The following SLC39A3 variants were observed in gnomAD, a reference collection of about 807,000 sequenced individuals.
SLC39A3 encodes the protein solute carrier family 39 member 3, also known as zinc transporter ZIP3.
Under a neutral mutation model 5.1 loss-of-function variants are expected in SLC39A3, and 3 were observed. The ratio of observed to expected loss-of-function variants is 0.59; its 90% confidence interval spans 0.27 to 1.54. The LOEUF (loss-of-function observed/expected upper bound fraction) is 1.54, where lower values mean the gene tolerates loss of function less well. Ranked by LOEUF, SLC39A3 falls within the 40% of genes most tolerant of loss-of-function variation. The pLI is 0.12. For synonymous variants in SLC39A3, 250 were observed against 218.8 expected, an observed-to-expected ratio of 1.14 and a Z score of -1.26; for missense variants, 412 against 436.4, an observed-to-expected ratio of 0.94 and a Z score of 0.50.
Position 2,733,563 on chromosome 19 carries a change from C to T in SLC39A3, c.211-78G>A, listed in dbSNP as rs1394779791. 11 of 1,507,270 alleles carry T rather than the reference C, an allele frequency of 7.3e-6. No individual in the cohort carries two copies. The highest frequency in any genetic ancestry group is 2.3e-5 in the East Asian group (1 of 43,910). 93.4% of individuals were successfully genotyped at this position (1,507,270 alleles called of 1,614,324 possible). ...GGCGACAGGGCTGGCCAGATGTCAC[C>T]GTTCAAAGCAAAGTCCAGAAATCCC... On this transcript the variant is annotated intron_variant, in intron 2 of 2. Transcript: ENST00000269740. This position sits in a 1 kb window ranked among gnomAD's most constrained non-coding sequence, Gnocchi z 6.1.
chr19:2,734,833 C>T lies in SLC39A3; in HGVS notation c.211-1348G>A. ...CCACCGGCTGGAGGCCTCATGCATG[C>T]CTCGCTTGAGGACAAGCTCATGAGG... On this transcript the variant is annotated intron_variant, in intron 2 of 2. Transcript: ENST00000269740. This position sits in a 1 kb window ranked among gnomAD's most constrained non-coding sequence, Gnocchi z 4.6. 1.0e-6 allele frequency: 1 copy of T among 985,502 alleles called. No homozygotes were observed. Among genetic ancestry groups the T allele is most frequent in the Non-Finnish European group, 1.2e-6 (1 of 829,966 alleles). The allele number at this position is 985,502 out of a possible 1,614,324, so 61.0% of individuals were successfully genotyped here.
intron 2 of SLC39A3, chr19:2,736,799 T>C (rs1914383617): frequency 1.4e-6 from 2 of 1,453,702 alleles, no homozygotes; most frequent in Non-Finnish European, 1.8e-6. Flanking sequence ...TCTGGTCTGA[T>C]TATCAGGTGA....
rs2144695876 is a variant in SLC39A3 at position 2,734,178 on chromosome 19, A to T, written c.211-693T>A. Among the ~76,000 whole-genome samples the T allele has an allele frequency of 6.6e-6, 1 of 152,332 alleles. No homozygotes were observed. Among genetic ancestry groups the T allele is most frequent in the South Asian group, 2.1e-4 (1 of 4,830 alleles). ...CTCACGGGGCGGACACGCAGGCATT[A>T]GGCTATGCGCCAGGATGAAATGTCT... On this transcript the variant is annotated intron_variant, in intron 2 of 2. Coordinates refer to ENST00000269740, the MANE Select transcript of SLC39A3 (RefSeq NM_144564.5). This position sits in a 1 kb window ranked among gnomAD's most constrained non-coding sequence, Gnocchi z 4.6.
At position 2,732,681 on chromosome 19, in the gene SLC39A3, G is replaced by A. The variant is rs186074896; in HGVS notation, c.*70C>T. On this transcript the variant is annotated 3_prime_UTR_variant, in exon 3 of 3. Transcript: ENST00000269740. ...GCTCGCTCTTGGGGGACGCGCGGCC[G>A]GGGGACGCGGCCTGTGTCCGGCCCG... The A allele has an allele frequency of 2.2e-4, 325 of 1,458,650 alleles. No individual in the cohort carries two copies. Among genetic ancestry groups the A allele is most frequent in the Middle Eastern group, 2.4e-4 (1 of 4,172 alleles). The allele number at this position is 1,458,650 out of a possible 1,614,324, so 90.4% of individuals were successfully genotyped here. A position where few individuals can be genotyped will look rare whatever the true frequency, so the allele number is the denominator to read the frequency against.
chr19:2,738,378 T>C lies in SLC39A3; in HGVS notation c.-122-999A>G, dbSNP rs566734044. ...CATGCTATTGGATGGTGGTGGTCCA[T>C]GGCTTCCCCATGCCCCGAAATAAAG... On this transcript the variant is annotated intron_variant, in intron 1 of 2. Coordinates refer to ENST00000269740, the MANE Select transcript of SLC39A3 (RefSeq NM_144564.5). Among the ~76,000 whole-genome samples, 31 of 152,192 alleles carry C rather than the reference T, an allele frequency of 2.0e-4. No individual in the cohort carries two copies. The East Asian group carries it at 4.8e-3, about 24-fold the overall frequency.
chr19:2,732,612 C>T lies in SLC39A3; in HGVS notation c.*139G>A, dbSNP rs1914227877. The T allele has an allele frequency of 7.4e-6, 10 of 1,358,320 alleles. No homozygotes were observed. The South Asian group carries it at 1.5e-4, about 20-fold the overall frequency. The allele number at this position is 1,358,320 out of a possible 1,614,324, so 84.1% of individuals were successfully genotyped here. On this transcript the variant is annotated 3_prime_UTR_variant, in exon 3 of 3. Coordinates refer to ENST00000269740, the MANE Select transcript of SLC39A3 (RefSeq NM_144564.5). The stretch of plus-strand genomic sequence containing the variant: ...TGTAGGATCGGGGGCACAGCCTGGT[C>T]CCGGGAGGCCCCTTGTGCACAGGTG...
At chr19:2,739,758 G>T (rs921221268) in intron 1 of SLC39A3, among the ~76,000 whole-genome samples, 187 bp downstream of exon 1, 1 of 152,220 alleles carries the variant, frequency 6.6e-6, no homozygotes, top group African/African-American at 2.4e-5. Context: ...GAGGCTGCTC[G>T]GGCCGGGATG....
intron 2 of SLC39A3, chr19:2,736,679 T>C: frequency 7.6e-7 from 1 of 1,318,164 alleles, no homozygotes; most frequent in Non-Finnish European, 9.8e-7. Flanking sequence ...AGTCCTAAGG[T>C]GCTCAGTTTG....
chr19:2,737,308 C>T lies in SLC39A3; in HGVS notation c.-51G>A, dbSNP rs148154698. 538 of 1,539,976 alleles carry T rather than the reference C, an allele frequency of 3.5e-4. 3 individuals are homozygous for T. In the East Asian group the frequency reaches 0.012, roughly 33 times the overall value. Reference sequence around the variant, plus strand: ...ACTGCAGGGCCAAACCATCTGTGGGCGCACACCCAAGTCCCACGATGTGCT... The same window carrying T: ...ACTGCAGGGCCAAACCATCTGTGGGTGCACACCCAAGTCCCACGATGTGCT... On this transcript the variant is annotated 5_prime_UTR_variant, in exon 2 of 3. Transcript: ENST00000269740.
At position 2,734,593 on chromosome 19, in the gene SLC39A3, G is replaced by T; in HGVS notation, c.211-1108C>A. 1 of 278,542 alleles carries T rather than the reference G, an allele frequency of 3.6e-6. No individual in the cohort carries two copies. The highest frequency in any genetic ancestry group is 5.4e-6 in the Non-Finnish European group (1 of 183,574). 17.3% of individuals were successfully genotyped at this position (278,542 alleles called of 1,614,324 possible). On this transcript the variant is annotated intron_variant, in intron 2 of 2. Coordinates refer to ENST00000269740, the MANE Select transcript of SLC39A3 (RefSeq NM_144564.5). This position sits in a 1 kb window ranked among gnomAD's most constrained non-coding sequence, Gnocchi z 4.6. ...AGGTGCTGACATTCGGGGCTGGATTGTTCTCTGGGACGGGGCCGTCCTGGG... is the reference window on the plus strand; with the variant it reads ...AGGTGCTGACATTCGGGGCTGGATTTTTCTCTGGGACGGGGCCGTCCTGGG...
chr19:2,739,480 C>T (rs1325635427), intron 1 of SLC39A3: 1 of 152,338 alleles, frequency 6.6e-6, no homozygotes, highest in Non-Finnish European at 1.5e-5. Flanking sequence ...CCACTCAGAG[C>T]TCTCCCCGCC....
chr19:2,736,073 A>G lies in SLC39A3; in HGVS notation c.210+975T>C, dbSNP rs531442815. 1.3e-3 allele frequency: 1,298 copies of G among 985,450 alleles called. 1 individual carries two copies. Among genetic ancestry groups the G allele is most frequent in the Non-Finnish European group, 1.5e-3 (1,254 of 830,042 alleles). 61.0% of individuals were successfully genotyped at this position (985,450 alleles called of 1,614,324 possible). ...ACTCACCCAGGGTCACCCAGCAAGC[A>G]TGGCCAGGGCTGGTCACACTGTGGC... On this transcript the variant is annotated intron_variant, in intron 2 of 2. Coordinates refer to ENST00000269740, the MANE Select transcript of SLC39A3 (RefSeq NM_144564.5).
chr19:2,737,448 G>A lies in SLC39A3; in HGVS notation c.-122-69C>T, dbSNP rs897371469. Reference sequence around the variant, plus strand: ...TTTTTTTTTTTTTAGACAGAGTCTCGCTCTGTTGCCAGGCTGGAGTGCAAT... The same window carrying A: ...TTTTTTTTTTTTTAGACAGAGTCTCACTCTGTTGCCAGGCTGGAGTGCAAT... On this transcript the variant is annotated intron_variant, in intron 1 of 2. Coordinates refer to ENST00000269740, the MANE Select transcript of SLC39A3 (RefSeq NM_144564.5). 51 of 1,107,166 alleles carry A rather than the reference G, an allele frequency of 4.6e-5. 1 individual carries two copies. The Middle Eastern group carries it at 9.2e-4, about 20-fold the overall frequency. The allele number at this position is 1,107,166 out of a possible 1,614,324, so 68.6% of individuals were successfully genotyped here.
At position 2,735,311 on chromosome 19, in the gene SLC39A3, C is replaced by T; in HGVS notation, c.210+1737G>A. On this transcript the variant is annotated intron_variant, in intron 2 of 2. Coordinates refer to ENST00000269740, the MANE Select transcript of SLC39A3 (RefSeq NM_144564.5). This position sits in a 1 kb window ranked among gnomAD's most constrained non-coding sequence, Gnocchi z 5.7. ...GAACAGCAGGAATGCGGTGTCTCGG[C>T]TCTGAACGGTGGAAATCCAGGTGCG... 8.3e-6 allele frequency: 6 copies of T among 723,806 alleles called. No individual in the cohort carries two copies. The highest frequency in any genetic ancestry group is 1.0e-5 in the Non-Finnish European group (6 of 591,086). The allele number at this position is 723,806 out of a possible 1,614,324, so 44.8% of individuals were successfully genotyped here. A position where few individuals can be genotyped will look rare whatever the true frequency, so the allele number is the denominator to read the frequency against.
At position 2,734,866 on chromosome 19, in the gene SLC39A3, G is replaced by T; in HGVS notation, c.211-1381C>A. On this transcript the variant is annotated intron_variant, in intron 2 of 2. Transcript: ENST00000269740. The surrounding 1 kb of genome is among the most constrained non-coding windows in gnomAD (Gnocchi z 4.6). Reference sequence around the variant, plus strand: ...GAGGACAAGCTCATGAGGAACTCTAGCTACTCCCAAGAGACAGACGTTGAT... The same window carrying T: ...GAGGACAAGCTCATGAGGAACTCTATCTACTCCCAAGAGACAGACGTTGAT... 1 of 985,510 alleles carries T rather than the reference G, an allele frequency of 1.0e-6. No individual in the cohort carries two copies. Among genetic ancestry groups the T allele is most frequent in the Non-Finnish European group, 1.2e-6 (1 of 829,960 alleles). 61.0% of individuals were successfully genotyped at this position (985,510 alleles called of 1,614,324 possible).
At position 2,733,264 on chromosome 19, in the gene SLC39A3, G is replaced by A. The variant is rs746333526; in HGVS notation, c.432C>T (p.His144=). The A allele has an allele frequency of 1.2e-5, 20 of 1,612,222 alleles. No individual in the cohort carries two copies. The highest frequency in any genetic ancestry group is 1.6e-4 in the Middle Eastern group (1 of 6,080). ...ESPFMGGARG[H]ALYVEPHGHG... ...GGCCGTGGGGCTCCACGTACAGCGC[G>A]TGGCCCCGCGCGCCCCCCATGAAGG... Residue 144 remains histidine (H), a synonymous_variant, in exon 3 of 3, where the codon CAC becomes CAT. Coordinates refer to ENST00000269740, the MANE Select transcript of SLC39A3 (RefSeq NM_144564.5). The surrounding 1 kb of genome is among the most constrained non-coding windows in gnomAD (Gnocchi z 6.1).
chr19:2,733,243 G>A lies in SLC39A3; in HGVS notation c.453C>T (p.His151=), dbSNP rs369580756. 5.2e-5 allele frequency: 84 copies of A among 1,609,230 alleles called. No individual in the cohort carries two copies. Among genetic ancestry groups the A allele is most frequent in the African/African-American group, 2.8e-4 (21 of 74,840 alleles). ...GCACGCTCAGGCTGGGGCCGTGGCC[G>A]TGGGGCTCCACGTACAGCGCGTGGC... ...ARGHALYVEP[H]GHGPSLSVQG... The change falls in exon 3 of 3, where the codon CAC becomes CAT. Residue 151 remains histidine (H), a synonymous_variant. Coordinates refer to ENST00000269740, the MANE Select transcript of SLC39A3 (RefSeq NM_144564.5). The surrounding 1 kb of genome is among the most constrained non-coding windows in gnomAD (Gnocchi z 6.1).
At chr19:2,738,199 C>CAAAAA (rs781639261) in intron 1 of SLC39A3, among the ~76,000 whole-genome samples, 1 of 50,902 alleles carries the variant, frequency 2.0e-5, no homozygotes, top group Non-Finnish European at 4.4e-5. Context: ...AACTCCATCT[C>CAAAAA]AAAAAAAAAA....
rs565398915 is a variant in SLC39A3 at position 2,734,557 on chromosome 19, G to C, written c.211-1072C>G. On this transcript the variant is annotated intron_variant, in intron 2 of 2. Coordinates refer to ENST00000269740, the MANE Select transcript of SLC39A3 (RefSeq NM_144564.5). The surrounding 1 kb of genome is among the most constrained non-coding windows in gnomAD (Gnocchi z 4.6). ...GAAACATTTTTTATTTTCACAACTC[G>C]GGTAGGGGGAAGGTGCTGACATTCG... 1.1e-5 allele frequency: 2 copies of C among 178,444 alleles called. No individual in the cohort carries two copies. Among genetic ancestry groups the C allele is most frequent in the African/African-American group, 4.8e-5 (2 of 41,978 alleles). 11.1% of individuals were successfully genotyped at this position (178,444 alleles called of 1,614,324 possible).
Sources: allele counts gnomAD v4.1 joint callset (sites outside exome capture counted in the v4.1 genomes callset), GRCh38; gene constraint gnomAD v4.1.1; non-coding constraint Gnocchi (gnomAD v3.1); transcripts MANE v1.5; gene names NCBI Gene and HGNC (gene_info 2026-07-23, HGNC 2026-07-21).